The following CRTAC1 variants were observed in gnomAD, a reference collection of about 807,000 sequenced individuals.
CRTAC1 encodes cartilage acidic protein 1, also known as acidic secreted protein in cartilage.
A neutral mutation model predicts 67.8 loss-of-function variants in CRTAC1; 37 were observed. That is an observed-to-expected ratio of 0.55 (90% confidence interval 0.42 to 0.72). The LOEUF (loss-of-function observed/expected upper bound fraction) is 0.72. Among genes scored for constraint, CRTAC1 ranks in the 30% least tolerant of loss-of-function variants. CRTAC1 has a pLI of 0.00. For synonymous variants in CRTAC1, 348 were observed against 371.0 expected (o/e 0.94, Z 0.71); for missense variants, 780 against 931.6 (o/e 0.84, Z 2.12).
Position 97,908,053 on chromosome 10 carries a change from G to A in CRTAC1, c.810C>T (p.Asn270=). ...CGTCCACAAAGGTGCCATCGCCCCG[G>A]TTGTGGAAAAGGAAGTTAGGCCCAT... ...NENGPNFLFH[N]RGDGTFVDAA... Residue 270 remains asparagine, a synonymous_variant, in exon 6 of 15, where the codon AAC becomes AAT. Transcript: ENST00000370597. 1 of 1,614,210 alleles carries A rather than the reference G, an allele frequency of 6.2e-7. No individual in the cohort carries two copies. Among genetic ancestry groups the A allele is most frequent in the Non-Finnish European group, 8.5e-7 (1 of 1,180,034 alleles).
intron 2 of CRTAC1, among the ~76,000 whole-genome samples, chr10:97,950,886 T>C (rs114817910): frequency 6.6e-6 from 1 of 152,218 alleles, no homozygotes; most frequent in African/African-American, 2.4e-5. Context: ...TTCTCATAGG[T>C]ACATAAGTGG....
In CRTAC1 at chr10:97,910,175, G is replaced by A. The variant is rs192332315; in HGVS notation, c.716-2028C>T. On this transcript the variant is annotated intron_variant, in intron 5 of 14. Transcript: ENST00000370597. ...GTTAATAAGAATGCACTATATACTTGAACTTGCTAAGAGAGTAGATTTTAA... is the reference window on the plus strand; with the variant it reads ...GTTAATAAGAATGCACTATATACTTAAACTTGCTAAGAGAGTAGATTTTAA... Among the ~76,000 whole-genome samples the A allele has an allele frequency of 2.8e-3, 423 of 152,320 alleles. 8 individuals are homozygous for A. Among genetic ancestry groups the A allele is most frequent in the Admixed American group, 8.2e-3 (125 of 15,300 alleles).
intron 11 of CRTAC1, among the ~76,000 whole-genome samples, chr10:97,890,579 G>C (rs2136549888): frequency 6.6e-6 from 1 of 152,228 alleles, no homozygotes; most frequent in East Asian, 1.9e-4. Context: ...CTGGACCACT[G>C]TGTTGGAAAA....
In CRTAC1 at chr10:97,908,128, C is replaced by T. The variant is rs2050639565; in HGVS notation, c.735G>A (p.Val245=). The T allele has an allele frequency of 6.2e-7, 1 of 1,614,120 alleles. No individual in the cohort carries two copies. Among genetic ancestry groups the T allele is most frequent in the Non-Finnish European group, 8.5e-7 (1 of 1,180,000 alleles). The change falls in exon 6 of 15, where the codon GTG becomes GTA. Residue 245 remains valine (V), a synonymous_variant. Transcript: ENST00000370597. ...AGGCACTGCTGCTGAGGATGGGGCCCACGCTGACGCCTCGGCCCCCTAGAA... is the reference window on the plus strand; with the variant it reads ...AGGCACTGCTGCTGAGGATGGGGCCTACGCTGACGCCTCGGCCCCCTAGAA... The part of the protein sequence containing the change: ...SKYTGGRGVS[V]GPILSSSASD...
intron 2 of CRTAC1, among the ~76,000 whole-genome samples, chr10:97,994,624 T>C (rs1015066205): frequency 6.6e-6 from 1 of 152,152 alleles, no homozygotes; most frequent in African/African-American, 2.4e-5. Context: ...GGTTCCTCCA[T>C]GAGATGGGGG....
chr10:97,885,664 G>A (rs542110557), intron 11 of CRTAC1, among the ~76,000 whole-genome samples: 1 of 152,178 alleles, frequency 6.6e-6, no homozygotes, highest in Non-Finnish European at 1.5e-5. Flanking sequence ...GCGGGGGCTG[G>A]GCCTCACCTT....
chr10:97,936,189 G>A lies in CRTAC1; in HGVS notation c.402C>T (p.Asn134=), dbSNP rs369850220. 6 of 1,612,164 alleles carry A rather than the reference G, an allele frequency of 3.7e-6. No individual in the cohort carries two copies. Among genetic ancestry groups the A allele is most frequent in the Non-Finnish European group, 5.1e-6 (6 of 1,178,790 alleles). ...GDGREEIYFL[N]TNNAFSGVAT... ...CCTTACCCGAGAAGGCATTATTGGT[G>A]TTGAGGAAGTAGATCTCCTCCCGGC... is the stretch of plus-strand genomic sequence containing the variant. The change falls in exon 3 of 15, where the codon AAC becomes AAT. Residue 134 remains asparagine (N), a synonymous_variant. Coordinates refer to ENST00000370597, the MANE Select transcript of CRTAC1 (RefSeq NM_018058.7).
At chr10:97,990,128 A>G (rs1409036048) in intron 2 of CRTAC1, among the ~76,000 whole-genome samples, 2 of 152,356 alleles carry the variant, frequency 1.3e-5, no homozygotes, top group East Asian at 3.9e-4. Flanking sequence ...ACTAGCATCT[A>G]TTGATAAAAA....
At chr10:97,988,343 T>A (rs117824209) in intron 2 of CRTAC1, among the ~76,000 whole-genome samples, 23 of 152,238 alleles carry the variant, frequency 1.5e-4, no homozygotes, top group Non-Finnish European at 3.2e-4. Flanking sequence ...AAGATGAAGA[T>A]TAACCAAAAA....
At chr10:97,875,001 C>T (rs2050131219) in intron 14 of CRTAC1, among the ~76,000 whole-genome samples, 1 of 152,232 alleles carries the variant, frequency 6.6e-6, no homozygotes, top group African/African-American at 2.4e-5. Flanking sequence ...GTGTTGTTCA[C>T]AGATGTATAT....
At chr10:97,898,538 C>T (rs537475454) in intron 8 of CRTAC1, among the ~76,000 whole-genome samples, 1 of 152,320 alleles carries the variant, frequency 6.6e-6, no homozygotes, top group African/African-American at 2.4e-5. Flanking sequence ...TAGATGTAAA[C>T]AGGGAAGTAG....
chr10:97,935,483 G>C (rs955790891), intron 3 of CRTAC1, among the ~76,000 whole-genome samples: 2 of 152,176 alleles, frequency 1.3e-5, no homozygotes, highest in Non-Finnish European at 2.9e-5. Context: ...CGGGTCAGAA[G>C]TGCAGGGTCT....
intron 4 of CRTAC1, among the ~76,000 whole-genome samples, chr10:97,922,276 C>T (rs2050851728): frequency 6.6e-6 from 1 of 152,186 alleles, no homozygotes; most frequent in South Asian, 2.1e-4. Context: ...CTTCTCTTCC[C>T]AGCGCCAGCT....
intron 2 of CRTAC1, among the ~76,000 whole-genome samples, chr10:97,940,007 T>G (rs751731381): frequency 1.3e-5 from 2 of 152,206 alleles, no homozygotes; most frequent in Non-Finnish European, 2.9e-5. Context: ...CCTGAAACAA[T>G]GCTTGGCACA....
At chr10:97,905,967 T>C (rs2050606044) in intron 6 of CRTAC1, among the ~76,000 whole-genome samples, 1 of 152,184 alleles carries the variant, frequency 6.6e-6, no homozygotes, top group East Asian at 1.9e-4. Context: ...TGAATGCGAC[T>C]CTAAGCACCC....
chr10:97,941,161 CCT>C (rs1322349408), intron 2 of CRTAC1, among the ~76,000 whole-genome samples: 1 of 152,010 alleles, frequency 6.6e-6, no homozygotes, highest in East Asian at 1.9e-4. Context: ...TCCCCCTCGG[CCT>C]CTCAGCTGTA....
intron 3 of CRTAC1, 150 bp downstream of exon 3, chr10:97,936,019 AC>A (rs2051080407): frequency 2.9e-6 from 2 of 679,356 alleles, no homozygotes; most frequent in East Asian, 5.7e-5. Flanking sequence ...TCATTCTGGG[AC>A]CCAGGGAGGT....
rs144799690 is a variant in CRTAC1 at position 97,948,433 on chromosome 10, A to G, written c.225-12067T>C. Among the ~76,000 whole-genome samples the G allele has an allele frequency of 4.1e-3, 625 of 152,274 alleles. 3 individuals are homozygous for G. The highest frequency in any genetic ancestry group is 0.014 in the African/African-American group (565 of 41,556). Reference sequence around the variant, plus strand: ...CCACAGTGTGGATGGGTCATTTAGGACAAAAAGTGCTCTGAAAGTCCTAAG... The same window carrying G: ...CCACAGTGTGGATGGGTCATTTAGGGCAAAAAGTGCTCTGAAAGTCCTAAG... On this transcript the variant is annotated intron_variant, in intron 2 of 14. Coordinates refer to ENST00000370597, the MANE Select transcript of CRTAC1 (RefSeq NM_018058.7).
intron 2 of CRTAC1, among the ~76,000 whole-genome samples, chr10:97,982,271 T>C (rs1590261548): frequency 1.3e-5 from 2 of 152,362 alleles, no homozygotes; most frequent in East Asian, 1.9e-4. Context: ...GAATCTTTGA[T>C]AATACGAACA....
Sources: gnomAD v4.1 joint callset for allele counts (sites outside exome capture counted in the v4.1 genomes callset) on GRCh38, gnomAD v4.1.1 for gene constraint, MANE v1.5 for transcripts, NCBI Gene and HGNC (gene_info 2026-07-23, HGNC 2026-07-21) for gene names.